FLOT1: variants seen among roughly 807,000 people sequenced by gnomAD.
FLOT1 encodes the protein flotillin-1.
FLOT1 carries 40 observed loss-of-function variants against 58.4 expected under a neutral mutation model. The ratio of observed to expected loss-of-function variants is 0.69; its 90% CI spans 0.53 to 0.89. The LOEUF (loss-of-function observed/expected upper bound fraction) is 0.89. Ranked by LOEUF, FLOT1 falls within the 40% of genes least tolerant of loss-of-function variation. The pLI, the probability that FLOT1 is intolerant of heterozygous loss-of-function variation, is 0.00. For synonymous variants in FLOT1, 178 were observed against 204.2 expected (o/e 0.87, Z 1.09); for missense variants, 423 against 540.8 (o/e 0.78, Z 2.16).
Position 30,730,957 on chromosome 6 carries a change from C to CGCTTCCGCTG in FLOT1, c.857_866dup (p.Glu290SerfsTer37), listed in dbSNP as rs1249569850. 22 of 1,613,824 alleles carry CGCTTCCGCTG rather than the reference C, an allele frequency of 1.4e-5. No homozygotes were observed. Among genetic ancestry groups the CGCTTCCGCTG allele is most frequent in the Admixed American group, 5.0e-5 (3 of 60,008 alleles). On this transcript the variant is annotated frameshift_variant, in exon 9 of 13. Coordinates refer to ENST00000376389, the MANE Select transcript of FLOT1 (RefSeq NM_005803.4). LOFTEE classifies it high-confidence loss of function. ...CTAGGCGCTCCAGCTTGTAGCGCTC[C>CGCTTCCGCTG]GCTTCCGCTGGCTTCCGCACCCGGG...
intron 8 of FLOT1, among the ~76,000 whole-genome samples, chr6:30,733,559 G>A (rs1450314536): frequency 1.3e-5 from 2 of 150,710 alleles, no homozygotes; most frequent in Non-Finnish European, 3.0e-5. Flanking sequence ...TGGTCAACGT[G>A]GTGAAACCCC....
In FLOT1 at chr6:30,741,825, A is replaced by G. The variant is rs1295947737; in HGVS notation, c.86T>C (p.Val29Ala). The G allele has an allele frequency of 4.3e-6, 7 of 1,612,844 alleles. No homozygotes were observed. The highest frequency in any genetic ancestry group is 5.9e-6 in the Non-Finnish European group (7 of 1,180,022). The change falls in exon 3 of 13, where the codon GTC (valine) becomes GCC (alanine). Residue 29 changes from valine to alanine, a missense_variant. By Grantham distance (64) the Val-to-Ala change is moderately conservative. Around this residue, in one of 6 missense-constraint regions of FLOT1, gnomAD observed 91 missense variants for 118.3 expected, o/e 0.77. Coordinates refer to ENST00000376389, the MANE Select transcript of FLOT1 (RefSeq NM_005803.4). The surrounding 1 kb of genome is among the most constrained non-coding windows in gnomAD (Gnocchi z 5.9). ...SPPVMVAGGRVFVLPCIQQIQ... is the reference protein window; with the variant it reads ...SPPVMVAGGRAFVLPCIQQIQ... The stretch of plus-strand genomic sequence containing the variant: ...CTGTTGGATGCAGGGCAGGACAAAG[A>G]CACGCCCTCCAGCCACCATGACTGG...
At position 30,742,285 on chromosome 6, in the gene FLOT1, G is replaced by A; in HGVS notation, c.-14-82C>T. 1 of 1,220,084 alleles carries A rather than the reference G, an allele frequency of 8.2e-7. No individual in the cohort carries two copies. 75.6% of individuals were successfully genotyped at this position (1,220,084 alleles called of 1,614,324 possible). A position where few individuals can be genotyped will look rare whatever the true frequency, so the allele number is the denominator to read the frequency against. ...CAGGGGCCCATCCTTTCCCTTTCCC[G>A]TCAGGCCCTCCCAGTCTGCATCCGC... On this transcript the variant is annotated intron_variant, in intron 1 of 12. Coordinates refer to ENST00000376389, the MANE Select transcript of FLOT1 (RefSeq NM_005803.4). The surrounding 1 kb of genome is among the most constrained non-coding windows in gnomAD (Gnocchi z 5.2).
Position 30,742,244 on chromosome 6 carries a change from C to A in FLOT1, c.-14-41G>T. On this transcript the variant is annotated intron_variant, in intron 1 of 12. Transcript: ENST00000376389. The surrounding 1 kb of genome is among the most constrained non-coding windows in gnomAD (Gnocchi z 5.2). ...GGAAAGCCTTTGCGGATGGGGAAGGCGCGCTGTGGCGTCCACAGGGGCCCA... is the reference window on the plus strand; with the variant it reads ...GGAAAGCCTTTGCGGATGGGGAAGGAGCGCTGTGGCGTCCACAGGGGCCCA... 2 of 1,561,264 alleles carry A rather than the reference C, an allele frequency of 1.3e-6. No homozygotes were observed. The highest frequency in any genetic ancestry group is 1.8e-6 in the Non-Finnish European group (2 of 1,132,914).
At position 30,730,788 on chromosome 6, in the gene FLOT1, C is replaced by T; in HGVS notation, c.906-61G>A. 8 of 1,609,298 alleles carry T rather than the reference C, an allele frequency of 5.0e-6. No homozygotes were observed. In the South Asian group the frequency reaches 6.6e-5, roughly 13 times the overall value. On this transcript the variant is annotated intron_variant, in intron 9 of 12. Transcript: ENST00000376389. Reference sequence around the variant, plus strand: ...CAGCCCTTACTCCCAGGAGAAAGGCCCAGTGCTGCAGAGGCAGACGCTCCT... The same window carrying T: ...CAGCCCTTACTCCCAGGAGAAAGGCTCAGTGCTGCAGAGGCAGACGCTCCT...
At chr6:30,739,025 C>A (rs904721182) in intron 8 of FLOT1, among the ~76,000 whole-genome samples, 1 of 152,210 alleles carries the variant, frequency 6.6e-6, no homozygotes, top group Non-Finnish European at 1.5e-5. Flanking sequence ...TAGGCAAATT[C>A]TCAGATACGA....
Position 30,730,171 on chromosome 6 carries a change from T to C in FLOT1, c.1105A>G (p.Ser369Gly). Reference sequence around the variant, plus strand: ...TTATTGGCTGAAGTCAAGGGACCACTGATCTCCTCTGCCACCTGGCAGGAG... The same window carrying C: ...TTATTGGCTGAAGTCAAGGGACCACCGATCTCCTCTGCCACCTGGCAGGAG... Reference protein sequence around the residue: ...EKLPQVAEEISGPLTSANKIT... With the variant: ...EKLPQVAEEIGGPLTSANKIT... The change falls in exon 12 of 13, where the codon AGT becomes GGT. Residue 369 changes from serine to glycine, a missense_variant. Physicochemically the swap from Ser to Gly is moderately conservative, Grantham distance 56. Around this residue, in one of 6 missense-constraint regions of FLOT1, gnomAD observed 42 missense variants for 74.4 expected, o/e 0.56. Coordinates refer to ENST00000376389, the MANE Select transcript of FLOT1 (RefSeq NM_005803.4). The C allele has an allele frequency of 6.2e-7, 1 of 1,613,028 alleles. No individual in the cohort carries two copies. The highest frequency in any genetic ancestry group is 8.5e-7 in the Non-Finnish European group (1 of 1,180,000).
Position 30,730,039 on chromosome 6 carries a change from C to A in FLOT1, c.1237G>T (p.Gly413Cys), listed in dbSNP as rs751320927. The A allele has an allele frequency of 6.2e-7, 1 of 1,613,070 alleles. No homozygotes were observed. The highest frequency in any genetic ancestry group is 1.3e-5 in the African/African-American group (1 of 75,036). The change falls in exon 12 of 13, where the codon GGC (glycine) becomes TGC (cysteine). Residue 413 changes from glycine to cysteine, a missense_variant. Transcript: ENST00000376389. ...RLPESVERLT[G>C]VSISQVNHKP... ...GACCTCACCTGGGAGATGCTCACGCCTGTGAGTCTTTCCACACTCTCTGGC... is the reference window on the plus strand; with the variant it reads ...GACCTCACCTGGGAGATGCTCACGCATGTGAGTCTTTCCACACTCTCTGGC...
intron 7 of FLOT1, 78 bp from the exon 8 acceptor site, chr6:30,740,388 G>C: frequency 6.3e-7 from 1 of 1,593,176 alleles, no homozygotes; most frequent in South Asian, 1.1e-5. Context: ...TCCCACCAAG[G>C]TTCTCTTTCT....
intron 8 of FLOT1, 32 bp from the exon 9 acceptor site, chr6:30,731,132 C>G (rs1230994560): frequency 6.4e-7 from 1 of 1,571,376 alleles, no homozygotes; most frequent in South Asian, 1.1e-5. Context: ...GGTTCACGCT[C>G]TGAGTCAGAG....
chr6:30,738,463 G>C (rs1226627890), intron 8 of FLOT1, among the ~76,000 whole-genome samples: 3 of 152,168 alleles, frequency 2.0e-5, no homozygotes, highest in African/African-American at 7.2e-5. Flanking sequence ...GTTCTTGGTA[G>C]TTCTGTTCTA....
chr6:30,739,673 T>A (rs1777824591), intron 8 of FLOT1, among the ~76,000 whole-genome samples: 1 of 151,054 alleles, frequency 6.6e-6, no homozygotes, highest in South Asian at 2.1e-4. Flanking sequence ...TGGCCTTTTT[T>A]TTCTCTTTTT....
In FLOT1 at chr6:30,741,928, T is replaced by G. The variant is rs1039324764; in HGVS notation, c.44-61A>C. The G allele has an allele frequency of 5.3e-6, 8 of 1,503,188 alleles. No homozygotes were observed. In the Admixed American group the frequency reaches 6.7e-5, roughly 13 times the overall value. 93.1% of individuals were successfully genotyped at this position (1,503,188 alleles called of 1,614,324 possible). ...GCTTGAATGTGGAAGACTGAGGAAC[T>G]GGCGGGGGTGAGGGGACAGCAACCC... On this transcript the variant is annotated intron_variant, in intron 2 of 12. Coordinates refer to ENST00000376389, the MANE Select transcript of FLOT1 (RefSeq NM_005803.4). The surrounding 1 kb of genome is among the most constrained non-coding windows in gnomAD (Gnocchi z 5.9).
chr6:30,740,782 C>A lies in FLOT1; in HGVS notation c.371G>T (p.Arg124Met). 1 of 1,612,350 alleles carries A rather than the reference C, an allele frequency of 6.2e-7. No homozygotes were observed. The highest frequency in any genetic ancestry group is 8.5e-7 in the Non-Finnish European group (1 of 1,179,914). Residue 124 changes from arginine (R) to methionine (M), a missense_variant, in exon 6 of 13, where the codon AGG becomes ATG. Transcript: ENST00000376389. ...GAAAACCTGTTCTGAGAATTTCTGC[C>A]TGTCCTTATAGATCTCCTGTGATAA... is the stretch of plus-strand genomic sequence containing the variant. ...HMTVEEIYKDRQKFSEQVFKV... is the reference protein window; with the variant it reads ...HMTVEEIYKDMQKFSEQVFKV...
In FLOT1 at chr6:30,742,233, G is replaced by A; in HGVS notation, c.-14-30C>T. 6.3e-7 allele frequency: 1 copy of A among 1,598,656 alleles called. No individual in the cohort carries two copies. Among genetic ancestry groups the A allele is most frequent in the East Asian group, 2.2e-5 (1 of 44,816 alleles). On this transcript the variant is annotated intron_variant, in intron 1 of 12. Coordinates refer to ENST00000376389, the MANE Select transcript of FLOT1 (RefSeq NM_005803.4). The surrounding 1 kb of genome is among the most constrained non-coding windows in gnomAD (Gnocchi z 5.2). ...AGGAGAGGGAGGGAAAGCCTTTGCG[G>A]ATGGGGAAGGCGCGCTGTGGCGTCC... is the stretch of plus-strand genomic sequence containing the variant.
In FLOT1 at chr6:30,741,635, G is replaced by A; in HGVS notation, c.189C>T (p.Ile63=). 6.2e-7 allele frequency: 1 copy of A among 1,612,572 alleles called. No individual in the cohort carries two copies. Among genetic ancestry groups the A allele is most frequent in the Non-Finnish European group, 8.5e-7 (1 of 1,179,762 alleles). ...TCACCTGGGCAATGCCAGTGACTGA[G>A]ATGGGGACCCCATGGCGAGTGTAAA... ...EKVYTRHGVP[I]SVTGIAQVKI... The change falls in exon 4 of 13, where the codon ATC becomes ATT. Residue 63 remains isoleucine, a synonymous_variant. Coordinates refer to ENST00000376389, the MANE Select transcript of FLOT1 (RefSeq NM_005803.4). The surrounding 1 kb of genome is among the most constrained non-coding windows in gnomAD (Gnocchi z 5.9).
At position 30,741,775 on chromosome 6, in the gene FLOT1, G is replaced by A. The variant is rs945873069; in HGVS notation, c.119+17C>T. ...AGAAAACGGAGGTCCCCCTTCCCTG[G>A]TTCCCTTCTTGCCTACCTCTGGATC... On this transcript the variant is annotated intron_variant, in intron 3 of 12. Coordinates refer to ENST00000376389, the MANE Select transcript of FLOT1 (RefSeq NM_005803.4). The surrounding 1 kb of genome is among the most constrained non-coding windows in gnomAD (Gnocchi z 5.9). The A allele has an allele frequency of 6.2e-7, 1 of 1,612,462 alleles. No homozygotes were observed. Among genetic ancestry groups the A allele is most frequent in the South Asian group, 1.1e-5 (1 of 91,066 alleles).
intron 8 of FLOT1, among the ~76,000 whole-genome samples, chr6:30,733,739 T>A (rs1425973207): frequency 2.2e-4 from 16 of 71,500 alleles, no homozygotes; most frequent in South Asian, 5.8e-4. Flanking sequence ...AAAATCCATC[T>A]CAAAAAAAAA....
At position 30,730,985 on chromosome 6, in the gene FLOT1, T is replaced by A; in HGVS notation, c.839A>T (p.Glu280Val). Residue 280 changes from glutamate to valine, a missense_variant, in exon 9 of 13, where the codon GAG (glutamate) becomes GTG (valine). This residue lies in a region of FLOT1 where 106 missense variants were observed against 88.4 expected (regional missense o/e 1.20). Transcript: ENST00000376389. ...QEIARREKEL[E>V]ARVRKPAEAE... ...TTCCGCTGGCTTCCGCACCCGGGCCTCCAGCTCCTTCTCCCGCCGGGCGAT... is the reference window on the plus strand; with the variant it reads ...TTCCGCTGGCTTCCGCACCCGGGCCACCAGCTCCTTCTCCCGCCGGGCGAT... 1.2e-6 allele frequency: 2 copies of A among 1,613,908 alleles called. No homozygotes were observed. The highest frequency in any genetic ancestry group is 2.2e-5 in the South Asian group (2 of 91,076).
Sources: allele counts gnomAD v4.1 joint callset (sites outside exome capture counted in the v4.1 genomes callset), GRCh38; gene constraint gnomAD v4.1.1; regional missense constraint gnomAD v4.1.1; non-coding constraint Gnocchi (gnomAD v3.1); transcripts MANE v1.5; gene names NCBI Gene and HGNC (gene_info 2026-07-23, HGNC 2026-07-21).